LONP2: variants seen among roughly 807,000 people sequenced by gnomAD.
LONP2 encodes the protein lon peptidase 2, peroxisomal, also known as lon protease homolog 2, peroxisomal.
LONP2 carries 60 observed loss-of-function variants against 85.6 expected under a neutral mutation model. The observed-to-expected ratio is 0.70, with a 90% CI of 0.57 to 0.87. LONP2 has a LOEUF of 0.87. Ranked by LOEUF, LONP2 falls within the 40% of genes least tolerant of loss-of-function variation. The pLI, the probability that LONP2 is intolerant of heterozygous loss-of-function variation, is 0.00. For missense variants in LONP2, 860 were observed against 1,063.5 expected, an observed-to-expected ratio of 0.81 and a Z score of 2.66; for synonymous variants, 395 against 389.7, an observed-to-expected ratio of 1.01 and a Z score of -0.16.
chr16:48,257,518 A>C (rs1179016578), intron 3 of LONP2, among the ~76,000 whole-genome samples: 4 of 152,172 alleles, frequency 2.6e-5, no homozygotes, highest in Non-Finnish European at 5.9e-5. Context: ...TTTTAAAGAC[A>C]CTTGAAAAGT....
chr16:48,312,454 G>T (rs570560236), intron 11 of LONP2, among the ~76,000 whole-genome samples: 1 of 151,912 alleles, frequency 6.6e-6, no homozygotes, highest in Admixed American at 6.6e-5. Context: ...ACTTTTGTTG[G>T]GGCAGGACTT....
chr16:48,351,729 A>C lies in LONP2; in HGVS notation c.2486A>C (p.Glu829Ala). The change falls in exon 15 of 15, where the codon GAG becomes GCG. Residue 829 changes from glutamate to alanine, a missense_variant. This residue lies in a region of LONP2 where 115 missense variants were observed against 129.0 expected (regional missense o/e 0.89). Transcript: ENST00000285737. The stretch of plus-strand genomic sequence containing the variant: ...TTTGTCACAGCAAGCTGCCTGGATG[A>C]GGTTCTTAATGCAGCTTTTGATGGT... The part of the protein sequence containing the change: ...LSFVTASCLD[E>A]VLNAAFDGGF... The C allele has an allele frequency of 6.2e-7, 1 of 1,614,194 alleles. No homozygotes were observed. Among genetic ancestry groups the C allele is most frequent in the South Asian group, 1.1e-5 (1 of 91,086 alleles).
intron 11 of LONP2, among the ~76,000 whole-genome samples, chr16:48,333,239 A>G (rs141299044): frequency 8.5e-5 from 13 of 152,312 alleles, no homozygotes; most frequent in East Asian, 1.9e-4. Context: ...CGATAAGTCA[A>G]TTGGGTCCTG....
chr16:48,289,210 A>G (rs923456010), intron 8 of LONP2, among the ~76,000 whole-genome samples: 9 of 152,154 alleles, frequency 5.9e-5, no homozygotes, highest in African/African-American at 1.7e-4. Flanking sequence ...ATATTTGGCC[A>G]AGGTTGAGGA....
At chr16:48,305,390 T>C (rs1972892889) in intron 11 of LONP2, among the ~76,000 whole-genome samples, 1 of 151,990 alleles carries the variant, frequency 6.6e-6, no homozygotes, top group Admixed American at 6.6e-5. Flanking sequence ...CAGTAGCTGG[T>C]ACTGTAGACG....
In LONP2 at chr16:48,306,601, G is replaced by T. The variant is rs1972917084; in HGVS notation, c.1795+3296G>T. ...ATTTTGGGTGTAGTCTTTACTAGAG[G>T]CATAGGTATGGACTCCAAGTTGGCT... is the stretch of plus-strand genomic sequence containing the variant. On this transcript the variant is annotated intron_variant, in intron 11 of 14. Transcript: ENST00000285737. Among the ~76,000 whole-genome samples, 2 of 152,114 alleles carry T rather than the reference G, an allele frequency of 1.3e-5. 1 individual carries two copies. The highest frequency in any genetic ancestry group is 4.1e-4 in the South Asian group (2 of 4,832).
At chr16:48,332,316 C>A (rs1272519403) in intron 11 of LONP2, among the ~76,000 whole-genome samples, 1 of 152,150 alleles carries the variant, frequency 6.6e-6, no homozygotes, top group Non-Finnish European at 1.5e-5. Flanking sequence ...TGGCTCACAC[C>A]TGTAATCCCA....
chr16:48,292,589 A>G (rs1265817860), intron 8 of LONP2, among the ~76,000 whole-genome samples: 1 of 152,208 alleles, frequency 6.6e-6, no homozygotes, highest in Non-Finnish European at 1.5e-5. Flanking sequence ...GTTTGGCCTA[A>G]AGGTTTCCCC....
In LONP2 at chr16:48,270,249, G is replaced by C. The variant is rs746109513; in HGVS notation, c.1216G>C (p.Asp406His). The C allele has an allele frequency of 6.2e-7, 1 of 1,613,922 alleles. No homozygotes were observed. The highest frequency in any genetic ancestry group is 8.5e-7 in the Non-Finnish European group (1 of 1,179,882). ...CAGGATTGCACTTGGAGGAGTATGT[G>C]ATCAGTCTGACATTCGAGGACACAG... ...FHRIALGGVCDQSDIRGHRRT... is the reference protein window; with the variant it reads ...FHRIALGGVCHQSDIRGHRRT... The change falls in exon 7 of 15, where the codon GAT becomes CAT. Residue 406 changes from aspartate to histidine, a missense_variant. Around this residue, in one of 3 missense-constraint regions of LONP2, gnomAD observed 743 missense variants for 917.3 expected, o/e 0.81. Transcript: ENST00000285737.
downstream of LONP2, among the ~76,000 whole-genome samples, chr16:48,358,200 T>G (rs1048826190): frequency 6.6e-6 from 1 of 152,124 alleles, no homozygotes; most frequent in African/African-American, 2.4e-5. Flanking sequence ...AAACACAAAA[T>G]GTACTACCTT....
intron 6 of LONP2, among the ~76,000 whole-genome samples, chr16:48,263,150 C>T (rs922935495): frequency 6.6e-6 from 1 of 152,270 alleles, no homozygotes; most frequent in Admixed American, 6.5e-5. Flanking sequence ...TTTCCTCCTA[C>T]CTCTTTTGTG....
chr16:48,351,615 A>G lies in LONP2; in HGVS notation c.2372A>G (p.His791Arg). Residue 791 changes from histidine to arginine, a missense_variant, in exon 15 of 15, where the codon CAC becomes CGC. Around this residue, in one of 3 missense-constraint regions of LONP2, gnomAD observed 115 missense variants for 129.0 expected, o/e 0.89. Coordinates refer to ENST00000285737, the MANE Select transcript of LONP2 (RefSeq NM_031490.5). ...ATTAAAGACAAAGTGCTGGCGGCAC[A>G]CAGAGCGGGACTGAAGCAAGTCATT... ...GGIKDKVLAA[H>R]RAGLKQVIIP... 6.2e-7 allele frequency: 1 copy of G among 1,614,078 alleles called. No individual in the cohort carries two copies. The highest frequency in any genetic ancestry group is 8.5e-7 in the Non-Finnish European group (1 of 1,179,976).
Position 48,346,309 on chromosome 16 carries a change from T to C in LONP2, c.1939-1198T>C, listed in dbSNP as rs528585072. Reference sequence around the variant, plus strand: ...TTCCTCTAACATGAGTAACTTCTATTGGATAGGAAATTTTGAAGCTCAAAG... The same window carrying C: ...TTCCTCTAACATGAGTAACTTCTATCGGATAGGAAATTTTGAAGCTCAAAG... On this transcript the variant is annotated intron_variant, in intron 12 of 14. Coordinates refer to ENST00000285737, the MANE Select transcript of LONP2 (RefSeq NM_031490.5). 3.3e-5 allele frequency among the ~76,000 whole-genome samples: 5 copies of C among 152,276 alleles called. No individual in the cohort carries two copies. The South Asian group carries it at 1.0e-3, about 32-fold the overall frequency.
intron 10 of LONP2, among the ~76,000 whole-genome samples, chr16:48,301,570 G>A (rs111289452): frequency 0.022 from 3,372 of 152,068 alleles, 52 homozygotes; most frequent in Non-Finnish European, 0.035. Flanking sequence ...GGGAGGTGGA[G>A]GTTGCGGTGA....
In LONP2 at chr16:48,336,265, G is replaced by A. The variant is rs1278775453; in HGVS notation, c.1938+1907G>A. On this transcript the variant is annotated intron_variant, in intron 12 of 14. Coordinates refer to ENST00000285737, the MANE Select transcript of LONP2 (RefSeq NM_031490.5). ...AGAAATGAGAAATTTTATAAACACT[G>A]CTTACCAGTTATCCTTGTTAGCATG... 3 of 434,218 alleles carry A rather than the reference G, an allele frequency of 6.9e-6. No individual in the cohort carries two copies. The Admixed American group carries it at 7.5e-5, about 11-fold the overall frequency. 26.9% of individuals were successfully genotyped at this position (434,218 alleles called of 1,614,324 possible). A position where few individuals can be genotyped will look rare whatever the true frequency, so the allele number is the denominator to read the frequency against.
intron 12 of LONP2, among the ~76,000 whole-genome samples, chr16:48,340,802 A>C (rs965292348): frequency 6.6e-6 from 1 of 151,918 alleles, no homozygotes; most frequent in African/African-American, 2.4e-5. Context: ...AAAATACAAA[A>C]TATTACCCGG....
At chr16:48,310,627 C>T (rs1463759402) in intron 11 of LONP2, among the ~76,000 whole-genome samples, 1 of 152,196 alleles carries the variant, frequency 6.6e-6, no homozygotes, top group Non-Finnish European at 1.5e-5. Context: ...GCTGGGATTA[C>T]AGGCGTGAAC....
At chr16:48,349,506 G>A (rs892065130) in intron 14 of LONP2, among the ~76,000 whole-genome samples, 2 of 152,108 alleles carry the variant, frequency 1.3e-5, no homozygotes, top group African/African-American at 2.4e-5. Flanking sequence ...AGAGCAAATC[G>A]TAGCCCAAGT....
chr16:48,268,025 G>A (rs1017952860), intron 6 of LONP2, among the ~76,000 whole-genome samples: 1 of 152,158 alleles, frequency 6.6e-6, no homozygotes, highest in African/African-American at 2.4e-5. Flanking sequence ...AAATATGTTT[G>A]CAGATTTTCC....
Sources: gnomAD v4.1 joint callset for allele counts (sites outside exome capture counted in the v4.1 genomes callset) on GRCh38, gnomAD v4.1.1 for gene constraint, gnomAD v4.1.1 regional missense constraint, MANE v1.5 for transcripts, NCBI Gene and HGNC (gene_info 2026-07-23, HGNC 2026-07-21) for gene names.